SPATA24: variants seen among roughly 807,000 people sequenced by gnomAD.
SPATA24 encodes the protein spermatogenesis-associated protein 24.
A neutral mutation model predicts 28.9 loss-of-function variants in SPATA24; 21 were observed. That is an observed-to-expected ratio of 0.73 (90% CI 0.52 to 1.05). SPATA24 has a LOEUF of 1.05. Ranked by LOEUF, SPATA24 falls within the 50% of genes least tolerant of loss-of-function variation. SPATA24 has a pLI of 0.00. For missense variants in SPATA24, 215 were observed against 242.9 expected, an observed-to-expected ratio of 0.88 and a Z score of 0.76; for synonymous variants, 76 against 89.9, an observed-to-expected ratio of 0.85 and a Z score of 0.88.
At position 139,402,658 on chromosome 5, in the gene SPATA24, T is replaced by C; in HGVS notation, c.153A>G (p.Glu51=). 6.4e-7 allele frequency: 1 copy of C among 1,551,886 alleles called. No homozygotes were observed. The highest frequency in any genetic ancestry group is 8.7e-7 in the Non-Finnish European group (1 of 1,147,012). ...GCTTCTTCTCCACTGCCTGGAACTCTTCTTTACTGACAAAATTTTCGTCCT... is the reference window on the plus strand; with the variant it reads ...GCTTCTTCTCCACTGCCTGGAACTCCTCTTTACTGACAAAATTTTCGTCCT... The part of the protein sequence containing the change: ...VLQDENFVSK[E]EFQAVEKKLV... Residue 51 remains glutamate, a synonymous_variant, in exon 2 of 6, where the codon GAA becomes GAG. Coordinates refer to ENST00000450845, the MANE Select transcript of SPATA24 (RefSeq NM_194296.2).
At chr5:139,393,142 C>T (rs1202472130), downstream of SPATA24, 29 of 1,543,006 alleles carry the variant, frequency 1.9e-5, no homozygotes, top group Non-Finnish European at 2.5e-5. Context: ...CGCAGGCAGC[C>T]CAGAGCCTTG....
At chr5:139,401,146 C>T (rs1266793436) in intron 4 of SPATA24, among the ~76,000 whole-genome samples, 5 of 151,972 alleles carry the variant, frequency 3.3e-5, no homozygotes, top group Non-Finnish European at 5.9e-5. Flanking sequence ...GAGCAAGACT[C>T]CATCTCAAAA....
At chr5:139,400,500 G>C (rs1366016199) in intron 4 of SPATA24, among the ~76,000 whole-genome samples, 1 of 151,898 alleles carries the variant, frequency 6.6e-6, no homozygotes, top group East Asian at 1.9e-4. Context: ...TAGAGATGGG[G>C]TTTCACCATG....
chr5:139,397,035 C>A lies in SPATA24; in HGVS notation c.488+6G>T. 2 of 1,551,708 alleles carry A rather than the reference C, an allele frequency of 1.3e-6. No homozygotes were observed. The highest frequency in any genetic ancestry group is 1.7e-6 in the Non-Finnish European group (2 of 1,146,984). ...AACAACCCCCAGCCGGGCCCAGACC[C>A]CTCACCTGAAGATCTGTTTCTGCTG... On this transcript the variant is annotated splice_donor_region_variant and intron_variant, in intron 5 of 5. Transcript: ENST00000450845.
chr5:139,396,076 G>A (rs1301939142), downstream of SPATA24: 4 of 677,952 alleles, frequency 5.9e-6, no homozygotes, highest in African/African-American at 2.0e-5. Flanking sequence ...TATGACTCAG[G>A]CCCCAGCTGG....
rs763718298 is a variant in SPATA24 at position 139,401,896 on chromosome 5, C to T, written c.314+19G>A. ...GATGCATCCCCCAAACCCCACACCCCGTACTGAGGCCCACTCACGCTTTTT... is the reference window on the plus strand; with the variant it reads ...GATGCATCCCCCAAACCCCACACCCTGTACTGAGGCCCACTCACGCTTTTT... On this transcript the variant is annotated intron_variant, in intron 3 of 5. Transcript: ENST00000450845. 1.5e-5 allele frequency: 24 copies of T among 1,551,138 alleles called. No homozygotes were observed. The East Asian group carries it at 2.0e-4, about 13-fold the overall frequency.
At chr5:139,392,517 C>A, downstream of SPATA24, 1 of 1,342,952 alleles carries the variant, frequency 7.4e-7, no homozygotes, top group Non-Finnish European at 9.5e-7. The surrounding 1 kb of genome is among the most constrained non-coding windows in gnomAD (Gnocchi z 5.8). Context: ...TGGGAGGCGC[C>A]GAGGCAGCGC....
chr5:139,392,973 G>C (rs1459032395), downstream of SPATA24: 3 of 1,506,162 alleles, frequency 2.0e-6, no homozygotes, highest in Non-Finnish European at 2.7e-6. The surrounding 1 kb of genome is among the most constrained non-coding windows in gnomAD (Gnocchi z 5.8). Flanking sequence ...GGGCGACCGT[G>C]TCGAAGGACG....
At chr5:139,394,495 C>T, downstream of SPATA24, 1 of 1,423,758 alleles carries the variant, frequency 7.0e-7, no homozygotes, top group Non-Finnish European at 9.1e-7. Context: ...GGGCGCGGCG[C>T]CCTCCTCCAG....
chr5:139,402,908 AC>A (rs2152079794), intron 1 of SPATA24, among the ~76,000 whole-genome samples: 1 of 152,362 alleles, frequency 6.6e-6, no homozygotes, highest in South Asian at 2.1e-4. Context: ...GAGGCAGTCC[AC>A]AGTTAGCACT....
At chr5:139,392,708 C>T (rs1367866179), downstream of SPATA24, 2 of 1,395,790 alleles carry the variant, frequency 1.4e-6, no homozygotes, top group East Asian at 5.8e-5. The surrounding 1 kb of genome is among the most constrained non-coding windows in gnomAD (Gnocchi z 5.8). Flanking sequence ...CCTGCTGGCC[C>T]TACGGGGGAG....
Position 139,402,657 on chromosome 5 carries a change from CTT to C in SPATA24, c.152_153del (p.Glu51GlyfsTer52). 6.4e-7 allele frequency: 1 copy of C among 1,551,868 alleles called. No homozygotes were observed. Among genetic ancestry groups the C allele is most frequent in the Non-Finnish European group, 8.7e-7 (1 of 1,147,014 alleles). On this transcript the variant is annotated frameshift_variant, in exon 2 of 6. Coordinates refer to ENST00000450845, the MANE Select transcript of SPATA24 (RefSeq NM_194296.2). LOFTEE classifies it high-confidence loss of function. Reference protein sequence around the residue: ...VLQDENFVSKEEFQAVEKKLV... With the variant: ...VLQDENFVSKXEFQAVEKKLV... ...AGCTTCTTCTCCACTGCCTGGAACT[CTT>C]CTTTACTGACAAAATTTTCGTCCTG... is the stretch of plus-strand genomic sequence containing the variant.
chr5:139,400,757 G>A (rs1387539280), intron 4 of SPATA24, among the ~76,000 whole-genome samples: 1 of 152,088 alleles, frequency 6.6e-6, no homozygotes, highest in East Asian at 1.9e-4. Context: ...TCTGCACAGA[G>A]CAGAGTTGAA....
chr5:139,396,133 C>T (rs1389659288), downstream of SPATA24: 9 of 982,058 alleles, frequency 9.2e-6, no homozygotes, highest in Admixed American at 6.2e-5. Flanking sequence ...GGCCTCAAAC[C>T]GACCCAGGAC....
chr5:139,399,729 C>T (rs1164755993), intron 4 of SPATA24, among the ~76,000 whole-genome samples: 2 of 152,154 alleles, frequency 1.3e-5, no homozygotes, highest in Non-Finnish European at 2.9e-5. Context: ...AGGCACTGGC[C>T]AGGGTGAGGT....
chr5:139,392,526 G>A (rs1304583693), downstream of SPATA24: 11 of 1,343,840 alleles, frequency 8.2e-6, no homozygotes, highest in East Asian at 3.1e-4. This position sits in a 1 kb window ranked among gnomAD's most constrained non-coding sequence, Gnocchi z 5.8. Context: ...CCGAGGCAGC[G>A]CGGGGCTGGG....
At chr5:139,395,219 G>T, downstream of SPATA24, 3 of 861,168 alleles carry the variant, frequency 3.5e-6, no homozygotes, top group Non-Finnish European at 4.8e-6. Flanking sequence ...AGCCAGCGGC[G>T]CCGGCAGCAG....
intron 4 of SPATA24, among the ~76,000 whole-genome samples, chr5:139,398,412 A>AC (rs899682684): frequency 1.5e-4 from 22 of 151,142 alleles, no homozygotes; most frequent in East Asian, 3.9e-4. Flanking sequence ...ACTAAAAAAA[A>AC]AAAAAACAAA....
Position 139,402,609 on chromosome 5 carries a change from C to T in SPATA24, c.183+19G>A, listed in dbSNP as rs754881208. 3.0e-5 allele frequency: 46 copies of T among 1,549,684 alleles called. No homozygotes were observed. The highest frequency in any genetic ancestry group is 1.7e-4 in the Middle Eastern group (1 of 6,008). Reference sequence around the variant, plus strand: ...GGGAAACGGGGGAAGATTAGGAGACCGCAGAGGCCATTACTTACCACCAGC... The same window carrying T: ...GGGAAACGGGGGAAGATTAGGAGACTGCAGAGGCCATTACTTACCACCAGC... On this transcript the variant is annotated intron_variant, in intron 2 of 5. Coordinates refer to ENST00000450845, the MANE Select transcript of SPATA24 (RefSeq NM_194296.2).
Sources: allele counts gnomAD v4.1 joint callset (sites outside exome capture counted in the v4.1 genomes callset), GRCh38; gene constraint gnomAD v4.1.1; non-coding constraint Gnocchi (gnomAD v3.1); transcripts MANE v1.5; gene names NCBI Gene and HGNC (gene_info 2026-07-23, HGNC 2026-07-21).